BABAM2: variants seen among roughly 807,000 people sequenced by gnomAD.
BABAM2 encodes the protein BRISC and BRCA1 A complex member 2.
In BABAM2, 31 loss-of-function variants were observed where a neutral mutation model predicts 54.7. The observed-to-expected ratio is 0.57, with a 90% CI of 0.43 to 0.77. The LOEUF is 0.77. BABAM2 is among the 30% of genes least tolerant of loss of function. BABAM2 has a pLI of 0.00. For missense variants in BABAM2, 364 were observed against 455.8 expected (o/e 0.80, Z 1.83); for synonymous variants, 167 against 162.9 (o/e 1.03, Z -0.19).
intron 3 of BABAM2, among the ~76,000 whole-genome samples, chr2:27,938,384 A>G (rs1668638071): frequency 6.6e-6 from 1 of 152,094 alleles, no homozygotes; most frequent in Admixed American, 6.5e-5. Context: ...CAGCAAACAG[A>G]AAAGGTCTTT....
At chr2:28,185,239 A>G (rs1676153847) in intron 7 of BABAM2, among the ~76,000 whole-genome samples, 1 of 152,190 alleles carries the variant, frequency 6.6e-6, no homozygotes, top group African/African-American at 2.4e-5. Flanking sequence ...ACAAAACTCC[A>G]GAGATAAATT....
intron 3 of BABAM2, among the ~76,000 whole-genome samples, chr2:27,968,912 C>A (rs1573290713): frequency 6.6e-6 from 1 of 152,096 alleles, no homozygotes; most frequent in Non-Finnish European, 1.5e-5. Flanking sequence ...GAAGGCATGA[C>A]TGGTTTTGAA....
At chr2:28,064,766 C>T (rs534114873) in intron 6 of BABAM2, among the ~76,000 whole-genome samples, 7 of 152,196 alleles carry the variant, frequency 4.6e-5, no homozygotes, top group East Asian at 3.9e-4. Flanking sequence ...TTTTGGGAGG[C>T]GGAGGTGGGC....
chr2:27,938,756 G>GT (rs1385598850), intron 3 of BABAM2, among the ~76,000 whole-genome samples: 5 of 152,062 alleles, frequency 3.3e-5, no homozygotes, highest in African/African-American at 1.2e-4. Context: ...AGGAAAATGA[G>GT]TAAGTATAGA....
chr2:28,005,637 TG>T (rs1018029516), intron 4 of BABAM2, among the ~76,000 whole-genome samples: 20 of 152,196 alleles, frequency 1.3e-4, no homozygotes, highest in Admixed American at 1.3e-3. Context: ...GCTATAAATT[TG>T]TAAGTAGCCA....
At chr2:28,091,284 A>G (rs1045538271) in intron 6 of BABAM2, among the ~76,000 whole-genome samples, 3 of 152,242 alleles carry the variant, frequency 2.0e-5, no homozygotes, top group African/African-American at 7.2e-5. Flanking sequence ...TCTTTTAACC[A>G]GATGGATAGG....
chr2:28,258,202 A>C (rs1369384522), intron 10 of BABAM2, among the ~76,000 whole-genome samples: 2 of 152,194 alleles, frequency 1.3e-5, no homozygotes, highest in Non-Finnish European at 2.9e-5. Context: ...ATAAATAAAA[A>C]GGAAAGGAAA....
At chr2:27,970,531 C>A (rs879441033) in intron 3 of BABAM2, among the ~76,000 whole-genome samples, 2 of 152,084 alleles carry the variant, frequency 1.3e-5, no homozygotes, top group Non-Finnish European at 2.9e-5. Flanking sequence ...AAGTAAGTTG[C>A]AAATATTTTC....
At chr2:27,913,004 C>T (rs889472636) in intron 2 of BABAM2, among the ~76,000 whole-genome samples, 1 of 152,094 alleles carries the variant, frequency 6.6e-6, no homozygotes, top group African/African-American at 2.4e-5. Context: ...CAAAGTAAAG[C>T]AGCTTATCTT....
intron 7 of BABAM2, among the ~76,000 whole-genome samples, chr2:28,196,321 C>CGTCTCAAAAAAAAAAAAAAA (rs1360883175): frequency 1.9e-5 from 2 of 107,550 alleles, no homozygotes; most frequent in Admixed American, 9.8e-5. Context: ...AGCAAGACTC[C>CGTCTCAAAAAAAAAAAAAAA]ATATAAAAAA....
At chr2:28,168,143 G>T (rs528897959) in intron 7 of BABAM2, among the ~76,000 whole-genome samples, 1 of 152,278 alleles carries the variant, frequency 6.6e-6, no homozygotes, top group Admixed American at 6.5e-5. Context: ...ACTAAAAGGT[G>T]TTCCCGTGGT....
At chr2:28,283,198 G>C (rs1273008306) in intron 10 of BABAM2, among the ~76,000 whole-genome samples, 5 of 152,020 alleles carry the variant, frequency 3.3e-5, no homozygotes, top group Non-Finnish European at 5.9e-5. Flanking sequence ...ACCTCACTGG[G>C]CTTGGAATCA....
At chr2:28,067,122 G>A (rs756766661) in intron 6 of BABAM2, among the ~76,000 whole-genome samples, 2 of 152,088 alleles carry the variant, frequency 1.3e-5, no homozygotes, top group Non-Finnish European at 2.9e-5. Context: ...AGTAGAGATG[G>A]CGTTTCACCA....
At chr2:27,970,389 C>T (rs1269506789) in intron 3 of BABAM2, among the ~76,000 whole-genome samples, 1 of 152,296 alleles carries the variant, frequency 6.6e-6, no homozygotes, top group East Asian at 1.9e-4. Context: ...CATCTGTCAA[C>T]CCTTTATTTA....
At chr2:27,951,974 G>A (rs550882924) in intron 3 of BABAM2, among the ~76,000 whole-genome samples, 139 of 152,278 alleles carry the variant, frequency 9.1e-4, no homozygotes, top group Middle Eastern at 3.4e-3. Flanking sequence ...TTGGAAGAAG[G>A]ATATGGAAAT....
At chr2:28,328,853 C>G (rs1317717750) in intron 11 of BABAM2, among the ~76,000 whole-genome samples, 1 of 152,188 alleles carries the variant, frequency 6.6e-6, no homozygotes, top group Admixed American at 6.5e-5. Context: ...GGTGCTCTCT[C>G]CCCGCTGCCA....
At chr2:27,999,860 A>G (rs370057217) in intron 4 of BABAM2, among the ~76,000 whole-genome samples, 1 of 152,200 alleles carries the variant, frequency 6.6e-6, no homozygotes, top group Non-Finnish European at 1.5e-5. Context: ...AGGATCTTTA[A>G]ATTAATTATT....
chr2:28,069,270 G>A (rs892407952), intron 6 of BABAM2, among the ~76,000 whole-genome samples: 7 of 152,142 alleles, frequency 4.6e-5, no homozygotes, highest in African/African-American at 1.7e-4. Flanking sequence ...TATACAATAT[G>A]TTGGAATGTT....
At chr2:28,078,203 A>G (rs556635475) in intron 6 of BABAM2, among the ~76,000 whole-genome samples, 29 of 152,084 alleles carry the variant, frequency 1.9e-4, no homozygotes, top group Admixed American at 1.6e-3. Flanking sequence ...GTGCCCTTCC[A>G]TCACTTAGTA....
Sources: gnomAD v4.1 joint callset for allele counts (sites outside exome capture counted in the v4.1 genomes callset) on GRCh38, gnomAD v4.1.1 for gene constraint, MANE v1.5 for transcripts, NCBI Gene and HGNC (gene_info 2026-07-23, HGNC 2026-07-21) for gene names.